PACRG: variants seen among roughly 807,000 people sequenced by gnomAD.
The protein encoded by PACRG is parkin coregulated gene protein.
Under a neutral mutation model 29.7 loss-of-function variants are expected in PACRG, and 29 were observed. That is an observed-to-expected ratio of 0.98 (90% CI 0.73 to 1.33). The LOEUF (loss-of-function observed/expected upper bound fraction) is 1.33. PACRG is among the 40% of genes most tolerant of loss of function. The pLI is 0.00. For missense variants in PACRG, 279 were observed against 316.2 expected, an observed-to-expected ratio of 0.88 and a Z score of 0.89; for synonymous variants, 116 against 118.7, an observed-to-expected ratio of 0.98 and a Z score of 0.15.
chr6:162,735,382 C>A (rs138940975), intron 1 of PACRG, among the ~76,000 whole-genome samples: 49 of 152,230 alleles, frequency 3.2e-4, no homozygotes, highest in African/African-American at 1.1e-3. Context: ...GCTGTTTGTG[C>A]TACAGTCTCA....
In PACRG at chr6:162,830,582, C is replaced by A. The variant is rs529542904; in HGVS notation, c.291+16301C>A. Among the ~76,000 whole-genome samples, 384 of 152,346 alleles carry A rather than the reference C, an allele frequency of 2.5e-3. 2 individuals are homozygous for A. Among genetic ancestry groups the A allele is most frequent in the Non-Finnish European group, 4.2e-3 (288 of 68,040 alleles). ...AGCTCAATACCATGCCTGTCCCAGG[C>A]AAAACACTGGGATAAGAAAGACATT... On this transcript the variant is annotated intron_variant, in intron 2 of 4. Coordinates refer to ENST00000366888, the MANE Select transcript of PACRG (RefSeq NM_001080379.2).
At chr6:162,978,371 CT>C (rs1380493446) in intron 2 of PACRG, among the ~76,000 whole-genome samples, 10 of 152,036 alleles carry the variant, frequency 6.6e-5, no homozygotes, top group Non-Finnish European at 1.5e-4. Flanking sequence ...GTAACATGTA[CT>C]TTTGTTTAGA....
At chr6:163,084,283 T>C (rs761213729) in intron 3 of PACRG, among the ~76,000 whole-genome samples, 3 of 152,224 alleles carry the variant, frequency 2.0e-5, no homozygotes, top group African/African-American at 7.2e-5. Context: ...CAAAATCATA[T>C]TCTCTTTATA....
At chr6:163,022,866 C>T (rs1345405730) in intron 2 of PACRG, among the ~76,000 whole-genome samples, 2 of 152,188 alleles carry the variant, frequency 1.3e-5, no homozygotes, top group Non-Finnish European at 2.9e-5. Context: ...AGATTTCCAT[C>T]CTATTAAGAG....
At chr6:163,239,817 C>T (rs1782400728) in intron 4 of PACRG, among the ~76,000 whole-genome samples, 1 of 141,794 alleles carries the variant, frequency 7.1e-6, no homozygotes, top group African/African-American at 2.7e-5. Context: ...CCCACTCCCA[C>T]CCCTACTTCT....
chr6:162,978,068 C>T (rs567567307), intron 2 of PACRG, among the ~76,000 whole-genome samples: 147 of 151,868 alleles, frequency 9.7e-4, no homozygotes, highest in Admixed American at 4.5e-3. Context: ...CACTTGAACC[C>T]GGGAGCCGGA....
In PACRG at chr6:162,902,165, A is replaced by G. The variant is rs1430671374; in HGVS notation, c.291+87884A>G. Reference sequence around the variant, plus strand: ...AAATGTGATAAGTATGGGTTCTGACATTTTGAAGATCTTTTCAGAATATTT... The same window carrying G: ...AAATGTGATAAGTATGGGTTCTGACGTTTTGAAGATCTTTTCAGAATATTT... On this transcript the variant is annotated intron_variant, in intron 2 of 4. Transcript: ENST00000366888. Among the ~76,000 whole-genome samples, 4 of 152,232 alleles carry G rather than the reference A, an allele frequency of 2.6e-5. No individual in the cohort carries two copies. In the East Asian group the frequency reaches 7.7e-4, roughly 29 times the overall value.
chr6:163,271,450 T>C (rs2128180231), intron 4 of PACRG, among the ~76,000 whole-genome samples: 1 of 152,330 alleles, frequency 6.6e-6, no homozygotes. Flanking sequence ...AGCCATAGTT[T>C]GATGGGCCTT....
chr6:162,831,003 A>G (rs1788721811), intron 2 of PACRG, among the ~76,000 whole-genome samples: 1 of 152,068 alleles, frequency 6.6e-6, no homozygotes, highest in South Asian at 2.1e-4. Flanking sequence ...AATCTGCTTC[A>G]TTTTGTCCTA....
At chr6:162,830,815 A>G (rs1325357920) in intron 2 of PACRG, among the ~76,000 whole-genome samples, 3 of 152,176 alleles carry the variant, frequency 2.0e-5, no homozygotes, top group Non-Finnish European at 2.9e-5. Context: ...GGGAGAGAGG[A>G]CTGAGACATC....
At chr6:162,809,835 T>G (rs1786681061) in intron 1 of PACRG, among the ~76,000 whole-genome samples, 1 of 152,084 alleles carries the variant, frequency 6.6e-6, no homozygotes, top group Non-Finnish European at 1.5e-5. Flanking sequence ...AAATAATGGT[T>G]GTAGTTGAGT....
At chr6:162,943,347 G>A (rs1383347389) in intron 2 of PACRG, among the ~76,000 whole-genome samples, 1 of 152,154 alleles carries the variant, frequency 6.6e-6, no homozygotes, top group Admixed American at 6.5e-5. Flanking sequence ...CAGGGCCAAA[G>A]CACCAGCCCT....
chr6:162,746,776 G>T (rs780585018), intron 1 of PACRG, among the ~76,000 whole-genome samples: 2 of 152,236 alleles, frequency 1.3e-5, no homozygotes, highest in Middle Eastern at 3.4e-3. Context: ...AAGTGATTCC[G>T]CTCAGAATGT....
At chr6:162,773,532 G>A (rs1783397500) in intron 1 of PACRG, among the ~76,000 whole-genome samples, 1 of 110,160 alleles carries the variant, frequency 9.1e-6, no homozygotes, top group African/African-American at 3.7e-5. Flanking sequence ...TTTTGAGACG[G>A]AGTCTCGCTC....
At chr6:163,290,609 A>G (rs1784568132) in intron 4 of PACRG, among the ~76,000 whole-genome samples, 1 of 152,178 alleles carries the variant, frequency 6.6e-6, no homozygotes, top group South Asian at 2.1e-4. Context: ...CATTGCCTCA[A>G]CTTTCAGTAA....
chr6:162,785,192 GA>G (rs1272328544), intron 1 of PACRG, among the ~76,000 whole-genome samples: 2 of 151,562 alleles, frequency 1.3e-5, no homozygotes, highest in African/African-American at 4.9e-5. Context: ...GAGAGAGAGA[GA>G]GAGAGAGAGG....
At chr6:163,214,829 T>C (rs895266749) in intron 4 of PACRG, among the ~76,000 whole-genome samples, 2 of 152,168 alleles carry the variant, frequency 1.3e-5, no homozygotes, top group African/African-American at 4.8e-5. Flanking sequence ...GTTGTAGCAA[T>C]GGTTAGGATC....
At chr6:163,183,339 A>G (rs1490805281) in intron 4 of PACRG, 1 of 152,218 alleles carries the variant, frequency 6.6e-6, no homozygotes, top group Non-Finnish European at 1.5e-5. Context: ...GCTTTTGACT[A>G]AGGAACTTTA....
intron 2 of PACRG, among the ~76,000 whole-genome samples, chr6:162,976,191 CAG>C (rs1801943188): frequency 6.6e-6 from 1 of 152,212 alleles, no homozygotes. Flanking sequence ...TCCAGAATAA[CAG>C]AGGCACTGAG....
Sources: allele counts gnomAD v4.1 joint callset (sites outside exome capture counted in the v4.1 genomes callset), GRCh38; gene constraint gnomAD v4.1.1; transcripts MANE v1.5; gene names NCBI Gene and HGNC (gene_info 2026-07-23, HGNC 2026-07-21).